Variants in USF3 observed in about 807,000 individuals in gnomAD.
The protein encoded by USF3 is basic helix-loop-helix domain-containing protein USF3.
A neutral mutation model predicts 157.5 loss-of-function variants in USF3; 29 were observed. That is an observed-to-expected ratio of 0.18 (90% CI 0.14 to 0.25). The LOEUF (loss-of-function observed/expected upper bound fraction) is 0.25, where lower values mean the gene tolerates loss of function less well. Among genes scored for constraint, USF3 ranks in the 10% least tolerant of loss-of-function variants. The probability of loss-of-function intolerance (pLI) is 1.00; values close to 1 mark genes in which losing one functional copy is unlikely to be tolerated. For synonymous variants in USF3, 893 were observed against 941.4 expected, an observed-to-expected ratio of 0.95 and a Z score of 0.94; for missense variants, 2,381 against 2,667.6, an observed-to-expected ratio of 0.89 and a Z score of 2.37.
chr3:113,672,268 G>A (rs549519513), intron 4 of USF3, among the ~76,000 whole-genome samples: 1 of 151,786 alleles, frequency 6.6e-6, no homozygotes, highest in African/African-American at 2.4e-5. Flanking sequence ...GGGATTACAG[G>A]CACGCACCAC....
chr3:113,658,286 T>C lies in USF3; in HGVS notation c.3396A>G (p.Ile1132Met). 3 of 1,614,218 alleles carry C rather than the reference T, an allele frequency of 1.9e-6. No homozygotes were observed. The highest frequency in any genetic ancestry group is 2.5e-6 in the Non-Finnish European group (3 of 1,180,034). ...DSCTFVEQTD[I>M]VALAARAIFD... ...AAATAGCTCTTGCTGCAAGAGCTAC[T>C]ATATCAGTTTGCTCTACAAAGGTAC... is the stretch of plus-strand genomic sequence containing the variant. The change falls in exon 7 of 7, where the codon ATA becomes ATG. Residue 1132 changes from isoleucine (I) to methionine (M), a missense_variant. Physicochemically the swap from Ile to Met is conservative, Grantham distance 10. This residue lies in a region of USF3 where 1,435 missense variants were observed against 1,550.9 expected (regional missense o/e 0.93). Coordinates refer to ENST00000316407, the MANE Select transcript of USF3 (RefSeq NM_001009899.4).
In USF3 at chr3:113,649,166, G is replaced by C. The variant is rs962690180; in HGVS notation, c.*5778C>G. On this transcript the variant is annotated 3_prime_UTR_variant, in exon 7 of 7. Coordinates refer to ENST00000316407, the MANE Select transcript of USF3 (RefSeq NM_001009899.4). ...TCTAACTTTAAGTTCCTATGACATAGTACGGTGTTAGTATGGTGTATAGCT... is the reference window on the plus strand; with the variant it reads ...TCTAACTTTAAGTTCCTATGACATACTACGGTGTTAGTATGGTGTATAGCT... 1 of 152,252 alleles carries C rather than the reference G, an allele frequency of 6.6e-6. No homozygotes were observed. The highest frequency in any genetic ancestry group is 1.5e-5 in the Non-Finnish European group (1 of 68,044). 9.4% of individuals were successfully genotyped at this position (152,252 alleles called of 1,614,324 possible). A position where few individuals can be genotyped will look rare whatever the true frequency, so the allele number is the denominator to read the frequency against.
chr3:113,678,927 T>G (rs1019602739), intron 1 of USF3, among the ~76,000 whole-genome samples: 6 of 151,994 alleles, frequency 3.9e-5, no homozygotes, highest in African/African-American at 1.5e-4. Context: ...GCTAATTTTT[T>G]GTAGAGATGG....
Position 113,659,201 on chromosome 3 carries a change from G to A in USF3, c.2481C>T (p.Asn827=), listed in dbSNP as rs1465554073. ...VRDVSKLDCP[N]TEGSAEPPCN... ...AGGGTGGCTCTGCTGAGCCTTCAGT[G>A]TTGGGGCAGTCTAACTTGCTCACAT... is the stretch of plus-strand genomic sequence containing the variant. Residue 827 remains asparagine, a synonymous_variant, in exon 7 of 7, where the codon AAC becomes AAT. Transcript: ENST00000316407. 4 of 1,614,204 alleles carry A rather than the reference G, an allele frequency of 2.5e-6. No homozygotes were observed. Among genetic ancestry groups the A allele is most frequent in the African/African-American group, 2.7e-5 (2 of 75,050 alleles).
In USF3 at chr3:113,650,154, C is replaced by T. The variant is rs1423017527; in HGVS notation, c.*4790G>A. On this transcript the variant is annotated 3_prime_UTR_variant, in exon 7 of 7. Coordinates refer to ENST00000316407, the MANE Select transcript of USF3 (RefSeq NM_001009899.4). ...CAAAATTACAAAAATGGCTTCCAGGCTCCTAAAGATATCACTCCAAAGCTG... is the reference window on the plus strand; with the variant it reads ...CAAAATTACAAAAATGGCTTCCAGGTTCCTAAAGATATCACTCCAAAGCTG... The T allele has an allele frequency of 1.0e-5, 4 of 397,626 alleles. No individual in the cohort carries two copies. Among genetic ancestry groups the T allele is most frequent in the Non-Finnish European group, 1.4e-5 (3 of 220,422 alleles). The allele number at this position is 397,626 out of a possible 1,614,324, so 24.6% of individuals were successfully genotyped here.
chr3:113,682,436 T>C (rs532912822), intron 1 of USF3, among the ~76,000 whole-genome samples: 1 of 152,174 alleles, frequency 6.6e-6, no homozygotes, highest in Non-Finnish European at 1.5e-5. Context: ...AAAATGTACA[T>C]TCTGCAGCTG....
At chr3:113,684,860 T>A (rs761135056) in intron 1 of USF3, among the ~76,000 whole-genome samples, 1 of 152,202 alleles carries the variant, frequency 6.6e-6, no homozygotes, top group Non-Finnish European at 1.5e-5. Flanking sequence ...GTGTCTTATT[T>A]AGTTCATTCA....
intron 6 of USF3, among the ~76,000 whole-genome samples, chr3:113,663,599 T>C (rs899575674): frequency 6.6e-6 from 1 of 152,218 alleles, no homozygotes; most frequent in Admixed American, 6.5e-5. Context: ...AATTCTGCCC[T>C]TTTTTCTCTC....
chr3:113,672,521 AT>A (rs1707184041), intron 4 of USF3, among the ~76,000 whole-genome samples: 2 of 152,174 alleles, frequency 1.3e-5, no homozygotes, highest in Admixed American at 6.5e-5. Flanking sequence ...GCAAAAAAAA[AT>A]CAAAGCAATA....
chr3:113,656,026 T>C lies in USF3; in HGVS notation c.5656A>G (p.Ile1886Val), dbSNP rs367826463. ...RESCDMSLGA[I>V]NTRNSTLNIP... is the part of the protein sequence containing the mutation. ...TTCAAGGTGCTGTTCCTGGTGTTAATTGCACCTAACGACATGTCACAACTT... is the reference window on the plus strand; with the variant it reads ...TTCAAGGTGCTGTTCCTGGTGTTAACTGCACCTAACGACATGTCACAACTT... The change falls in exon 7 of 7, where the codon ATT becomes GTT. Residue 1886 changes from isoleucine to valine, a missense_variant. By Grantham distance (29) the Ile-to-Val change is conservative. Around this residue, in one of 6 missense-constraint regions of USF3, gnomAD observed 770 missense variants for 824.2 expected, o/e 0.93. Transcript: ENST00000316407. 5.0e-6 allele frequency: 8 copies of C among 1,614,110 alleles called. No homozygotes were observed. In the East Asian group the frequency reaches 6.7e-5, roughly 13 times the overall value.
Position 113,656,765 on chromosome 3 carries a change from T to A in USF3, c.4917A>T (p.Gln1639His). ...RLLTSRGLEQ[Q>H]MVSQPSIVTR... ...TCACAATACTTGGTTGGGACACCAT[T>A]TGCTGCTCTAAGCCTCTTGATGTCA... The change falls in exon 7 of 7, where the codon CAA (glutamine) becomes CAT (histidine). Residue 1639 changes from glutamine to histidine, a missense_variant. Around this residue, in one of 6 missense-constraint regions of USF3, gnomAD observed 770 missense variants for 824.2 expected, o/e 0.93. Coordinates refer to ENST00000316407, the MANE Select transcript of USF3 (RefSeq NM_001009899.4). 6.2e-7 allele frequency: 1 copy of A among 1,614,194 alleles called. No individual in the cohort carries two copies. Among genetic ancestry groups the A allele is most frequent in the Non-Finnish European group, 8.5e-7 (1 of 1,180,028 alleles).
chr3:113,670,543 T>C (rs551526605), intron 4 of USF3, among the ~76,000 whole-genome samples: 9 of 151,252 alleles, frequency 6.0e-5, no homozygotes, highest in African/African-American at 2.2e-4. Flanking sequence ...GAGGCTGCAG[T>C]GCGCTGAGAT....
At chr3:113,673,286 T>A in intron 4 of USF3, 62 bp downstream of exon 4, 1 of 1,009,948 alleles carries the variant, frequency 9.9e-7, no homozygotes, top group South Asian at 1.4e-5. Flanking sequence ...TATAATCAAC[T>A]GCAGTATGAT....
intron 1 of USF3, among the ~76,000 whole-genome samples, chr3:113,689,919 C>G (rs1051383759): frequency 6.6e-6 from 1 of 152,174 alleles, no homozygotes; most frequent in Non-Finnish European, 1.5e-5. Context: ...CAAGGCCCAA[C>G]AATCTCTTCT....
At position 113,658,345 on chromosome 3, in the gene USF3, TC is replaced by T; in HGVS notation, c.3336del (p.Thr1113ProfsTer15). The T allele has an allele frequency of 6.2e-7, 1 of 1,614,184 alleles. No individual in the cohort carries two copies. On this transcript the variant is annotated frameshift_variant, in exon 7 of 7. Coordinates refer to ENST00000316407, the MANE Select transcript of USF3 (RefSeq NM_001009899.4). LOFTEE classifies it high-confidence loss of function. ...CATGTATTAGTTGTTGCATTGCTGG[TC>T]ACATCTTCTCTTGTTGTTTCAGGAA... is the stretch of plus-strand genomic sequence containing the variant. Reference protein sequence around the residue: ...SMLPETTREDVTSNATTNTCD... With the variant: ...SMLPETTREDXTSNATTNTCD...
Position 113,650,035 on chromosome 3 carries a change from A to T in USF3, c.*4909T>A, listed in dbSNP as rs139432405. 3.3e-5 allele frequency: 20 copies of T among 599,298 alleles called. No individual in the cohort carries two copies. In the African/African-American group the frequency reaches 3.5e-4, roughly 11 times the overall value. The allele number at this position is 599,298 out of a possible 1,614,324, so 37.1% of individuals were successfully genotyped here. On this transcript the variant is annotated 3_prime_UTR_variant, in exon 7 of 7. Coordinates refer to ENST00000316407, the MANE Select transcript of USF3 (RefSeq NM_001009899.4). ...TCATCACTCACAGATTAACTTCACTAGTTTGTCTGGTTGTTGGCTATTACT... is the reference window on the plus strand; with the variant it reads ...TCATCACTCACAGATTAACTTCACTTGTTTGTCTGGTTGTTGGCTATTACT...
chr3:113,651,217 A>G lies in USF3; in HGVS notation c.*3727T>C, dbSNP rs765086815. 2.0e-5 allele frequency: 3 copies of G among 152,230 alleles called. No individual in the cohort carries two copies. 9.4% of individuals were successfully genotyped at this position (152,230 alleles called of 1,614,324 possible). A position where few individuals can be genotyped will look rare whatever the true frequency, so the allele number is the denominator to read the frequency against. On this transcript the variant is annotated 3_prime_UTR_variant, in exon 7 of 7. Transcript: ENST00000316407. The stretch of plus-strand genomic sequence containing the variant: ...AGACAGAGAAATGATTTAATCAATG[A>G]CTGTCACTCATGACTCAGACATAAC...
In USF3 at chr3:113,657,149, TTGG is replaced by T; in HGVS notation, c.4530_4532del (p.His1510del). 1 of 1,614,132 alleles carries T rather than the reference TTGG, an allele frequency of 6.2e-7. No individual in the cohort carries two copies. The highest frequency in any genetic ancestry group is 8.5e-7 in the Non-Finnish European group (1 of 1,180,026). The stretch of plus-strand genomic sequence containing the variant: ...GAACTTCCTGTTGCAGAGTCCTCTG[TTGG>T]TGGACATTATGGGGCTGAGAGTGGA... On this transcript the variant is annotated inframe_deletion, in exon 7 of 7. Coordinates refer to ENST00000316407, the MANE Select transcript of USF3 (RefSeq NM_001009899.4).
Position 113,666,248 on chromosome 3 carries a change from C to CTTT in USF3, c.160-1842_160-1840dup, listed in dbSNP as rs1232834885. On this transcript the variant is annotated intron_variant, in intron 5 of 6. Coordinates refer to ENST00000316407, the MANE Select transcript of USF3 (RefSeq NM_001009899.4). ...TTCCATATAGCATCTAGACATCTTT[C>CTTT]TTTTTTTTTTTTTTTTTTTTTGAGA... Among the ~76,000 whole-genome samples the CTTT allele has an allele frequency of 6.5e-3, 664 of 101,764 alleles. 25 individuals carry two copies. Among genetic ancestry groups the CTTT allele is most frequent in the African/African-American group, 0.017 (457 of 26,236 alleles). The allele number at this position is 101,764 out of a possible 152,430, so 66.8% of individuals were successfully genotyped here. A position where few individuals can be genotyped will look rare whatever the true frequency, so the allele number is the denominator to read the frequency against.
Sources: allele counts gnomAD v4.1 joint callset (sites outside exome capture counted in the v4.1 genomes callset), GRCh38; gene constraint gnomAD v4.1.1; regional missense constraint gnomAD v4.1.1; transcripts MANE v1.5; gene names NCBI Gene and HGNC (gene_info 2026-07-23, HGNC 2026-07-21).